The following SLC5A4 variants were observed in gnomAD, a reference collection of about 807,000 sequenced individuals.
SLC5A4 encodes solute carrier family 5 member 4, also known as probable glucose sensor protein SLC5A4.
SLC5A4 carries 55 observed loss-of-function variants against 70.3 expected under a neutral mutation model. The ratio of observed to expected loss-of-function variants is 0.78; its 90% CI spans 0.63 to 0.98. The LOEUF is 0.98. SLC5A4 is among the 50% of genes least tolerant of loss of function. The pLI is 0.00. For missense variants in SLC5A4, 735 were observed against 839.2 expected, an observed-to-expected ratio of 0.88 and a Z score of 1.53; for synonymous variants, 268 against 305.7, an observed-to-expected ratio of 0.88 and a Z score of 1.29.
chr22:32,259,334 A>C (rs1476100830), upstream of SLC5A4, among the ~76,000 whole-genome samples: 1 of 152,256 alleles, frequency 6.6e-6, no homozygotes, highest in Non-Finnish European at 1.5e-5. Flanking sequence ...TATTAATGAC[A>C]AAATTAACCT....
chr22:32,305,477 G>A, the SLC5A4 span, among the ~76,000 whole-genome samples: 274 of 149,134 alleles, frequency 1.8e-3, 17 homozygotes, highest in African/African-American at 6.6e-3. Context: ...GAGAAAAACA[G>A]TATTTGCCAC....
intron 11 of SLC5A4, among the ~76,000 whole-genome samples, chr22:32,226,342 G>A (rs562587810): frequency 3.1e-4 from 47 of 152,312 alleles, no homozygotes; most frequent in African/African-American, 1.1e-3. Flanking sequence ...GGTAAAAAGC[G>A]TGTTAAAGGC....
the SLC5A4 span, among the ~76,000 whole-genome samples, chr22:32,355,061 G>A: frequency 1.3e-5 from 2 of 149,724 alleles, no homozygotes; most frequent in East Asian, 4.6e-4. Flanking sequence ...AGCTTGGAAT[G>A]ACAAAACTCC....
At chr22:32,264,348 A>G in the SLC5A4 span, among the ~76,000 whole-genome samples, 5 of 152,100 alleles carry the variant, frequency 3.3e-5, no homozygotes. Context: ...CCAAGGCAGG[A>G]GGATCACTTG....
At chr22:32,351,721 G>A in the SLC5A4 span, among the ~76,000 whole-genome samples, 1 of 70,962 alleles carries the variant, frequency 1.4e-5, no homozygotes, top group Non-Finnish European at 2.5e-5. Context: ...GGGGCGTGGG[G>A]GGAGGGTGGG....
chr22:32,238,023 G>T (rs1376227825), intron 6 of SLC5A4, among the ~76,000 whole-genome samples: 1 of 152,110 alleles, frequency 6.6e-6, no homozygotes, highest in East Asian at 1.9e-4. Context: ...CTAACAAAAT[G>T]GGGCTGGGAG....
At chr22:32,329,775 G>GTGTGTGTGTTGGAGGCTCTGA in the SLC5A4 span, among the ~76,000 whole-genome samples, 4 of 77,932 alleles carry the variant, frequency 5.1e-5, no homozygotes, top group Admixed American at 1.6e-4. Context: ...GGGGGCTCTG[G>GTGTGTGTGTTGGAGGCTCTGA]TGTGTGTGTT....
At chr22:32,305,907 C>A in the SLC5A4 span, among the ~76,000 whole-genome samples, 1 of 151,662 alleles carries the variant, frequency 6.6e-6, no homozygotes, top group Middle Eastern at 3.2e-3. Flanking sequence ...TGTCACTCCT[C>A]TCTGACCTTG....
upstream of SLC5A4, chr22:32,255,446 GACCTTTAA>G (rs952825460): frequency 8.8e-7 from 1 of 1,141,998 alleles, no homozygotes; most frequent in African/African-American, 1.5e-5. Flanking sequence ...TGGATATGGA[GACCTTTAA>G]ACCTCTTCTC....
the SLC5A4 span, among the ~76,000 whole-genome samples, chr22:32,273,960 T>G: frequency 1.3e-5 from 2 of 151,920 alleles, no homozygotes; most frequent in African/African-American, 2.4e-5. Context: ...ACTACACGCA[T>G]GAGAAAATAT....
the SLC5A4 span, among the ~76,000 whole-genome samples, chr22:32,322,367 A>G: frequency 6.6e-6 from 1 of 152,168 alleles, no homozygotes; most frequent in Non-Finnish European, 1.5e-5. Flanking sequence ...AGGTGGGTGG[A>G]TCACGAGGTC....
chr22:32,343,516 G>C, the SLC5A4 span, among the ~76,000 whole-genome samples: 6 of 152,334 alleles, frequency 3.9e-5, no homozygotes, highest in South Asian at 2.1e-4. Context: ...TGGCATCACA[G>C]AGTTGTCGGC....
rs566214836 is a variant in SLC5A4, at chr22:32,239,639, ATATAT to A, written c.478-554_478-550del. ...ATAATATATAAAATATATATAATAT[ATATAT>A]TATATTGTGTGTTTTATGTACTATA... On this transcript the variant is annotated intron_variant, in intron 5 of 14. Transcript: ENST00000266086. Among the ~76,000 whole-genome samples the A allele has an allele frequency of 8.3e-3, 1,082 of 129,620 alleles. 9 individuals carry two copies. The highest frequency in any genetic ancestry group is 0.015 in the South Asian group (61 of 4,186). 85.0% of individuals were successfully genotyped at this position (129,620 alleles called of 152,430 possible).
chr22:32,226,984 T>C (rs1353684541), intron 11 of SLC5A4, among the ~76,000 whole-genome samples: 1 of 152,096 alleles, frequency 6.6e-6, no homozygotes, highest in Non-Finnish European at 1.5e-5. Flanking sequence ...CAGGCTCTGC[T>C]CAGATGCCAC....
At chr22:32,233,177 T>C (rs565442269) in intron 8 of SLC5A4, 143 bp from the exon 9 acceptor site, 11 of 819,652 alleles carry the variant, frequency 1.3e-5, no homozygotes, top group Admixed American at 8.8e-5. Flanking sequence ...CCTGTGTTCA[T>C]TGCAGCACTA....
the SLC5A4 span, among the ~76,000 whole-genome samples, chr22:32,260,715 G>A: frequency 3.3e-5 from 5 of 152,026 alleles, no homozygotes; most frequent in Non-Finnish European, 5.9e-5. Flanking sequence ...AAACCCAAAA[G>A]ATAAAACAAA....
chr22:32,252,955 T>C (rs1267323577), intron 2 of SLC5A4, among the ~76,000 whole-genome samples: 1 of 152,194 alleles, frequency 6.6e-6, no homozygotes, highest in African/African-American at 2.4e-5. Flanking sequence ...AAATCACTTT[T>C]TCTGCTCAGC....
the SLC5A4 span, among the ~76,000 whole-genome samples, chr22:32,283,903 TG>T: frequency 6.6e-6 from 1 of 152,210 alleles, no homozygotes; most frequent in South Asian, 2.1e-4. Flanking sequence ...ATGGCCATGC[TG>T]TGTAATTTTA....
intron 10 of SLC5A4, 104 bp from the exon 11 acceptor site, chr22:32,229,448 C>T: frequency 8.2e-7 from 1 of 1,220,104 alleles, no homozygotes; most frequent in Non-Finnish European, 1.1e-6. Flanking sequence ...CATAGGTTAA[C>T]TGATGTCCTT....
Sources: gnomAD v4.1 joint callset for allele counts (sites outside exome capture counted in the v4.1 genomes callset) on GRCh38, gnomAD v4.1.1 for gene constraint, MANE v1.5 for transcripts, NCBI Gene and HGNC (gene_info 2026-07-23, HGNC 2026-07-21) for gene names.